Variants in SMAGP observed in about 807,000 individuals in gnomAD.
SMAGP encodes small cell transmembrane and glycosylated protein.
SMAGP carries 7 observed loss-of-function variants against 10.1 expected under a neutral mutation model. The observed-to-expected ratio is 0.70, with a 90% CI of 0.40 to 1.31. SMAGP has a LOEUF of 1.31. Ranked by LOEUF, SMAGP falls within the 50% of genes most tolerant of loss-of-function variation. The pLI is 0.01. For missense variants in SMAGP, 113 were observed against 116.5 expected (o/e 0.97, Z 0.14); for synonymous variants, 49 against 47.2 (o/e 1.04, Z -0.16).
chr12:51,261,121 A>G, intron 2 of SMAGP, among the ~76,000 whole-genome samples: 2 of 111,418 alleles, frequency 1.8e-5, no homozygotes, highest in Middle Eastern at 6.9e-3. Flanking sequence ...TCTGAGACGG[A>G]GTCTCACTCT....
intron 2 of SMAGP, among the ~76,000 whole-genome samples, chr12:51,255,165 A>C (rs903883357): frequency 3.3e-5 from 5 of 152,100 alleles, no homozygotes; most frequent in African/African-American, 9.7e-5. Flanking sequence ...CCTCTGGAGT[A>C]GCTGGGAATA....
In SMAGP at chr12:51,246,112, GA is replaced by G; in HGVS notation, c.122del (p.Ile41ThrfsTer12). ...AGAGCAGGGTGAGGAAGACAACGGTGATAACAACTTGGAAAGGAGAGGGAAA... is the reference window on the plus strand; with the variant it reads ...AGAGCAGGGTGAGGAAGACAACGGTGTAACAACTTGGAAAGGAGAGGGAAA... ...GASTALIAVVITVVFLTLLSV... is the reference protein window; with the variant it reads ...GASTALIAVVXTVVFLTLLSV... On this transcript the variant is annotated frameshift_variant, in exon 4 of 4. Transcript: ENST00000603798. LOFTEE classifies it high-confidence loss of function. The G allele has an allele frequency of 6.2e-7, 1 of 1,613,830 alleles. No individual in the cohort carries two copies. The highest frequency in any genetic ancestry group is 8.5e-7 in the Non-Finnish European group (1 of 1,179,766).
chr12:51,245,858 G>C lies in SMAGP; in HGVS notation c.*83C>G, dbSNP rs1042055347. 17 of 1,469,418 alleles carry C rather than the reference G, an allele frequency of 1.2e-5. No homozygotes were observed. Among genetic ancestry groups the C allele is most frequent in the Non-Finnish European group, 1.6e-5 (17 of 1,088,492 alleles). 91.0% of individuals were successfully genotyped at this position (1,469,418 alleles called of 1,614,324 possible). ...CCACATCAATCAATGCTTCTCCCTG[G>C]CTTCAGAGAAAACTTTCCCATAATA... On this transcript the variant is annotated 3_prime_UTR_variant, in exon 4 of 4. Transcript: ENST00000603798.
At chr12:51,257,961 G>C (rs777178658) in intron 2 of SMAGP, among the ~76,000 whole-genome samples, 2 of 152,224 alleles carry the variant, frequency 1.3e-5, no homozygotes, top group East Asian at 3.9e-4. Context: ...ATCAGGCTGA[G>C]AGCAACATAG....
intron 2 of SMAGP, among the ~76,000 whole-genome samples, chr12:51,260,293 C>T (rs183955719): frequency 6.0e-5 from 9 of 150,104 alleles, no homozygotes; most frequent in East Asian, 2.0e-4. Context: ...CGGGTTCAAG[C>T]GATTCTCCTG....
chr12:51,252,962 C>T (rs1424620466), intron 2 of SMAGP, among the ~76,000 whole-genome samples: 1 of 152,082 alleles, frequency 6.6e-6, no homozygotes. Flanking sequence ...AAAGGCACTG[C>T]AAGAACTTGT....
At chr12:51,258,976 G>A (rs1200476800) in intron 2 of SMAGP, among the ~76,000 whole-genome samples, 1 of 103,802 alleles carries the variant, frequency 9.6e-6, no homozygotes. Context: ...GGGAGACCCT[G>A]TCTCTACCAA....
intron 2 of SMAGP, among the ~76,000 whole-genome samples, chr12:51,264,431 G>A (rs192247618): frequency 1.5e-3 from 227 of 152,226 alleles, no homozygotes; most frequent in Non-Finnish European, 2.5e-3. Context: ...CGGGAGAGTT[G>A]CCTGAGCAAC....
chr12:51,253,616 A>G (rs1001837330), intron 2 of SMAGP: 2 of 152,234 alleles, frequency 1.3e-5, no homozygotes, highest in Non-Finnish European at 2.9e-5. Flanking sequence ...AAAAAACAAA[A>G]AAGGAAGGAA....
In SMAGP at chr12:51,269,249, T is replaced by C. The variant is rs756896284; in HGVS notation, c.30A>G (p.Pro10=). MTSLLTTPS[P]REELMTTPIL... ...TTAGGAAAGGCCTTCACCTACCTCT[T>C]GGAGAAGGAGTAGTCAGGAGGCTGG... Residue 10 remains proline (P), a synonymous_variant, in exon 2 of 4, where the codon CCA becomes CCG. Transcript: ENST00000603798. The C allele has an allele frequency of 6.2e-7, 1 of 1,613,790 alleles. No individual in the cohort carries two copies. The highest frequency in any genetic ancestry group is 2.2e-5 in the East Asian group (1 of 44,866).
chr12:51,269,358 C>T, intron 1 of SMAGP, 42 bp from the exon 2 acceptor site: 1 of 1,552,980 alleles, frequency 6.4e-7, no homozygotes, highest in Non-Finnish European at 8.9e-7. Flanking sequence ...GCGGGTGGGC[C>T]CCTATGGCTT....
intron 2 of SMAGP, among the ~76,000 whole-genome samples, chr12:51,248,434 A>ACTCTCTCTCT (rs56012746): frequency 3.9e-5 from 3 of 77,564 alleles, no homozygotes; most frequent in Admixed American, 1.4e-4. Context: ...ACACACACAC[A>ACTCTCTCTCT]CTCTCTCTCT....
chr12:51,249,221 G>C (rs1257457090), intron 2 of SMAGP, among the ~76,000 whole-genome samples: 1 of 152,176 alleles, frequency 6.6e-6, no homozygotes, highest in Non-Finnish European at 1.5e-5. Flanking sequence ...TGTATCCTTT[G>C]CAATGTCCTT....
chr12:51,248,395 G>A (rs1206800295), intron 2 of SMAGP, among the ~76,000 whole-genome samples: 1 of 145,740 alleles, frequency 6.9e-6, no homozygotes, highest in South Asian at 2.2e-4. Context: ...TTACTGTGGT[G>A]TTTTACACAC....
intron 2 of SMAGP, among the ~76,000 whole-genome samples, chr12:51,268,311 G>A (rs1371778357): frequency 6.6e-6 from 1 of 151,938 alleles, no homozygotes; most frequent in Non-Finnish European, 1.5e-5. Flanking sequence ...TATATGGGTT[G>A]TCTCATTTAA....
At chr12:51,247,231 A>T (rs1413948643) in intron 2 of SMAGP, among the ~76,000 whole-genome samples, 3 of 100,268 alleles carry the variant, frequency 3.0e-5, no homozygotes, top group Non-Finnish European at 4.0e-5. Flanking sequence ...ATAAGCCATT[A>T]TTAGGAATGC....
At chr12:51,248,918 AAAAAAAAAAAAAAT>A (rs1565656789) in intron 2 of SMAGP, among the ~76,000 whole-genome samples, 2 of 146,680 alleles carry the variant, frequency 1.4e-5, no homozygotes, top group African/African-American at 2.5e-5. Flanking sequence ...AAAAAAAAAA[AAAAAAAAAAAAAAT>A]AGCCAAGTAT....
chr12:51,255,479 C>A (rs1944876646), intron 2 of SMAGP, among the ~76,000 whole-genome samples: 1 of 152,200 alleles, frequency 6.6e-6, no homozygotes, highest in Non-Finnish European at 1.5e-5. Flanking sequence ...AACCCTGAGA[C>A]CACCATGTTG....
intron 2 of SMAGP, among the ~76,000 whole-genome samples, chr12:51,267,328 A>G (rs1240368150): frequency 6.6e-6 from 1 of 151,992 alleles, no homozygotes; most frequent in Non-Finnish European, 1.5e-5. Context: ...TATCTAGAGC[A>G]GGTACACACG....
Sources: allele counts gnomAD v4.1 joint callset (sites outside exome capture counted in the v4.1 genomes callset), GRCh38; gene constraint gnomAD v4.1.1; transcripts MANE v1.5; gene names NCBI Gene and HGNC (gene_info 2026-07-23, HGNC 2026-07-21).